Variants in GPC6 observed in about 807,000 individuals in gnomAD.
GPC6 encodes the protein glypican-6.
In GPC6, 14 loss-of-function variants were observed where a neutral mutation model predicts 55.2. The ratio of observed to expected loss-of-function variants is 0.25; its 90% confidence interval spans 0.17 to 0.40. The LOEUF is 0.40. GPC6 is among the 10% of genes least tolerant of loss of function. GPC6 has a pLI of 1.00. For missense variants in GPC6, 641 were observed against 708.5 expected (o/e 0.90, Z 1.08); for synonymous variants, 278 against 259.6 (o/e 1.07, Z -0.68).
chr13:93,394,508 T>G (rs943923959), intron 1 of GPC6, among the ~76,000 whole-genome samples: 4 of 152,250 alleles, frequency 2.6e-5, no homozygotes, highest in African/African-American at 9.6e-5. Context: ...CAGCCCCTGA[T>G]AGTTCCTCTC....
chr13:94,239,319 C>G (rs1304150290), intron 4 of GPC6, among the ~76,000 whole-genome samples: 2 of 152,104 alleles, frequency 1.3e-5, no homozygotes, highest in African/African-American at 4.8e-5. Context: ...ACTAGACAAC[C>G]CACAGTGTGT....
chr13:94,201,032 G>A (rs1889729588), intron 4 of GPC6, among the ~76,000 whole-genome samples: 1 of 152,222 alleles, frequency 6.6e-6, no homozygotes, highest in African/African-American at 2.4e-5. Context: ...TCAAGTAAAT[G>A]AAGATGCTCC....
chr13:93,580,125 C>G (rs1385032410), intron 2 of GPC6, among the ~76,000 whole-genome samples: 2 of 152,160 alleles, frequency 1.3e-5, no homozygotes, highest in African/African-American at 2.4e-5. Context: ...AGTCCAAGAT[C>G]AAGGCGCATG....
intron 5 of GPC6, among the ~76,000 whole-genome samples, chr13:94,298,032 C>G (rs986166907): frequency 6.6e-6 from 1 of 151,598 alleles, no homozygotes; most frequent in African/African-American, 2.4e-5. Context: ...AAAATTACCA[C>G]ACTAATTAAA....
intron 1 of GPC6, among the ~76,000 whole-genome samples, chr13:93,527,267 A>G (rs1881689318): frequency 6.6e-6 from 1 of 152,122 alleles, no homozygotes; most frequent in Non-Finnish European, 1.5e-5. Flanking sequence ...TTTCCTGTAT[A>G]CAGTATAATA....
intron 6 of GPC6, among the ~76,000 whole-genome samples, chr13:94,347,236 C>G (rs1878337047): frequency 6.6e-6 from 1 of 151,974 alleles, no homozygotes; most frequent in African/African-American, 2.4e-5. Flanking sequence ...TCTGAACCAC[C>G]CAGATCATGT....
chr13:93,545,137 G>C (rs917002830), intron 1 of GPC6, 126 bp from the exon 2 acceptor site: 1 of 786,966 alleles, frequency 1.3e-6, no homozygotes, highest in African/African-American at 1.7e-5. Context: ...AGAGTTCATG[G>C]GGATGGCTGG....
intron 2 of GPC6, among the ~76,000 whole-genome samples, chr13:93,791,184 A>T (rs1017374018): frequency 4.6e-5 from 7 of 152,144 alleles, no homozygotes; most frequent in African/African-American, 1.7e-4. Context: ...GGTACTTCTG[A>T]TGTATGTTCC....
chr13:94,394,937 T>C (rs999480020), intron 7 of GPC6, among the ~76,000 whole-genome samples: 24 of 152,186 alleles, frequency 1.6e-4, no homozygotes, highest in Non-Finnish European at 2.9e-4. Flanking sequence ...AGTGAGCTTC[T>C]GATAAATGAC....
intron 1 of GPC6, among the ~76,000 whole-genome samples, chr13:93,299,027 A>T (rs1415724160): frequency 6.6e-6 from 1 of 152,058 alleles, no homozygotes; most frequent in Non-Finnish European, 1.5e-5. Flanking sequence ...TCTGGACTAC[A>T]GTTCCTTGGA....
Position 93,951,863 on chromosome 13 carries a change from G to A in GPC6, c.712-75866G>A, listed in dbSNP as rs556714988. Among the ~76,000 whole-genome samples the A allele has an allele frequency of 2.6e-5, 4 of 152,158 alleles. No homozygotes were observed. The East Asian group carries it at 7.7e-4, about 29-fold the overall frequency. On this transcript the variant is annotated intron_variant, in intron 3 of 8. Coordinates refer to ENST00000377047, the MANE Select transcript of GPC6 (RefSeq NM_005708.5). ...TTCCTGGAGATCATTAGAAGCAAAG[G>A]ATGAAACAGTGGACATGTTTCATAG...
intron 2 of GPC6, among the ~76,000 whole-genome samples, chr13:93,745,038 C>G (rs75549530): frequency 6.6e-6 from 1 of 152,222 alleles, no homozygotes; most frequent in Non-Finnish European, 1.5e-5. Context: ...AAAAGCCTTC[C>G]CAACTCCAAT....
intron 6 of GPC6, among the ~76,000 whole-genome samples, chr13:94,330,213 C>T (rs1566682672): frequency 6.6e-6 from 1 of 152,180 alleles, no homozygotes; most frequent in Non-Finnish European, 1.5e-5. Context: ...TATGTTATGC[C>T]TGCCTAGTAA....
In GPC6 at chr13:93,853,330, A is replaced by T. The variant is rs1398291900; in HGVS notation, c.711+22785A>T. Reference sequence around the variant, plus strand: ...ACCACTATGGCAAAGGAACCATTGGATTTATAAATAAGGCAGAAAAATCAG... The same window carrying T: ...ACCACTATGGCAAAGGAACCATTGGTTTTATAAATAAGGCAGAAAAATCAG... On this transcript the variant is annotated intron_variant, in intron 3 of 8. Coordinates refer to ENST00000377047, the MANE Select transcript of GPC6 (RefSeq NM_005708.5). Among the ~76,000 whole-genome samples the T allele has an allele frequency of 2.0e-5, 3 of 151,828 alleles. No homozygotes were observed. In the East Asian group the frequency reaches 5.8e-4, roughly 30 times the overall value.
intron 1 of GPC6, among the ~76,000 whole-genome samples, chr13:93,263,026 C>T (rs1419351325): frequency 1.3e-5 from 2 of 152,010 alleles, no homozygotes; most frequent in Non-Finnish European, 2.9e-5. Context: ...GTGCAATATT[C>T]GTGAAAATTC....
chr13:94,250,348 G>A (rs931682088), intron 4 of GPC6, among the ~76,000 whole-genome samples: 2 of 152,034 alleles, frequency 1.3e-5, no homozygotes, highest in Non-Finnish European at 2.9e-5. Flanking sequence ...TTAATAGAAG[G>A]TCTGTGTAGT....
intron 7 of GPC6, among the ~76,000 whole-genome samples, chr13:94,388,369 C>T (rs1880502946): frequency 6.6e-6 from 1 of 152,136 alleles, no homozygotes; most frequent in African/African-American, 2.4e-5. Flanking sequence ...TAACATCACC[C>T]ACTAATGATA....
intron 6 of GPC6, among the ~76,000 whole-genome samples, chr13:94,316,178 A>C (rs1010035085): frequency 6.6e-6 from 1 of 152,216 alleles, no homozygotes; most frequent in Non-Finnish European, 1.5e-5. Flanking sequence ...ACTTAAAAAA[A>C]AAAATTTAGA....
In GPC6 at chr13:93,494,108, A is replaced by G. The variant is rs1043050192; in HGVS notation, c.161-51155A>G. ...ACTTTCTGTCTCGTTGATCTGTCTA[A>G]TGTTGACAGTGGGGTGTTAAAGTCT... On this transcript the variant is annotated intron_variant, in intron 1 of 8. Coordinates refer to ENST00000377047, the MANE Select transcript of GPC6 (RefSeq NM_005708.5). Among the ~76,000 whole-genome samples the G allele has an allele frequency of 3.1e-4, 36 of 116,638 alleles. No homozygotes were observed. In the Middle Eastern group the frequency reaches 0.012, roughly 40 times the overall value. 76.5% of individuals were successfully genotyped at this position (116,638 alleles called of 152,430 possible).
Sources: allele counts gnomAD v4.1 joint callset (sites outside exome capture counted in the v4.1 genomes callset), GRCh38; gene constraint gnomAD v4.1.1; transcripts MANE v1.5; gene names NCBI Gene and HGNC (gene_info 2026-07-23, HGNC 2026-07-21).